GPHN: variants seen among roughly 807,000 people sequenced by gnomAD.
The protein encoded by GPHN is gephyrin.
In GPHN, 17 loss-of-function variants were observed where a neutral mutation model predicts 95.5. The observed-to-expected ratio is 0.18, with a 90% confidence interval of 0.12 to 0.27. The LOEUF is 0.27. Ranked by LOEUF, GPHN falls within the 10% of genes least tolerant of loss-of-function variation. The probability of loss-of-function intolerance (pLI) is 1.00; values close to 1 mark genes in which losing one functional copy is unlikely to be tolerated. For synonymous variants in GPHN, 320 were observed against 322.5 expected (o/e 0.99, Z 0.08); for missense variants, 660 against 978.1 (o/e 0.67, Z 4.34).
At chr14:67,098,511 T>TA (rs199798845) in intron 12 of GPHN, among the ~76,000 whole-genome samples, 90 of 150,198 alleles carry the variant, frequency 6.0e-4, no homozygotes, top group East Asian at 5.4e-3. Flanking sequence ...GTGCAGGAAG[T>TA]AAAAAAAAAG....
At chr14:67,108,752 T>TGTGG (rs766958253) in intron 13 of GPHN, among the ~76,000 whole-genome samples, 3 of 149,766 alleles carry the variant, frequency 2.0e-5, no homozygotes, top group African/African-American at 7.4e-5. Flanking sequence ...TGTGTGTGTG[T>TGTGG]GGTTTATTTT....
chr14:67,089,115 ATTTTTTTTTCTTTTTTTCTT>A (rs1245494650), intron 12 of GPHN, 40 bp downstream of exon 12: 7 of 363,256 alleles, frequency 1.9e-5, no homozygotes, highest in Non-Finnish European at 3.2e-5. Context: ...CAGGCACTGT[ATTTTTTTTTCTTTTTTTCTT>A]TTTTTTTTTT....
At chr14:67,371,553 T>C in the GPHN span, among the ~76,000 whole-genome samples, 1 of 152,234 alleles carries the variant, frequency 6.6e-6, no homozygotes. Context: ...ATAGACCTTA[T>C]AGCCTATACA....
the GPHN span, among the ~76,000 whole-genome samples, chr14:67,290,934 A>C: frequency 7.9e-5 from 12 of 152,226 alleles, no homozygotes; most frequent in African/African-American, 2.9e-4. Flanking sequence ...ATTCTAGATG[A>C]ATTAAAATTA....
chr14:66,954,068 T>C (rs565251915), intron 8 of GPHN, among the ~76,000 whole-genome samples: 4 of 151,770 alleles, frequency 2.6e-5, no homozygotes, highest in Admixed American at 1.3e-4. Flanking sequence ...AAAGCAGGAA[T>C]TATGAATCCT....
At chr14:67,122,770 G>T (rs1400141067) in intron 17 of GPHN, among the ~76,000 whole-genome samples, 2 of 152,150 alleles carry the variant, frequency 1.3e-5, no homozygotes, top group African/African-American at 4.8e-5. Flanking sequence ...CTAATTCTTT[G>T]AAATTTAAGT....
the GPHN span, among the ~76,000 whole-genome samples, chr14:67,216,908 A>G: frequency 1.3e-5 from 2 of 152,198 alleles, no homozygotes; most frequent in Non-Finnish European, 2.9e-5. Context: ...GAAATGTTCT[A>G]TAAATGTCTG....
At chr14:66,990,446 C>T (rs923856737) in intron 9 of GPHN, among the ~76,000 whole-genome samples, 2 of 152,096 alleles carry the variant, frequency 1.3e-5, no homozygotes, top group Non-Finnish European at 2.9e-5. Context: ...TCTCATGAGA[C>T]TTCATTTGGA....
At chr14:67,286,774 T>C in the GPHN span, among the ~76,000 whole-genome samples, 56 of 143,564 alleles carry the variant, frequency 3.9e-4, no homozygotes, top group African/African-American at 1.4e-3. Flanking sequence ...GGAGGATCGC[T>C]GGAACCTGAG....
the GPHN span, among the ~76,000 whole-genome samples, chr14:67,209,799 C>A: frequency 8.3e-6 from 1 of 119,850 alleles, no homozygotes; most frequent in Admixed American, 1.1e-4. Context: ...GCCTGGGTGA[C>A]AGAGCAAGAC....
chr14:66,688,194 T>A (rs2067527426), intron 2 of GPHN, among the ~76,000 whole-genome samples: 1 of 152,174 alleles, frequency 6.6e-6, no homozygotes, highest in South Asian at 2.1e-4. Context: ...ATTCACTAAG[T>A]CAAAGTAGAT....
chr14:67,075,396 A>T (rs1014179436), intron 11 of GPHN, among the ~76,000 whole-genome samples: 2 of 152,166 alleles, frequency 1.3e-5, no homozygotes, highest in Non-Finnish European at 1.5e-5. Flanking sequence ...TCTGATTGGG[A>T]TGTACAAGAT....
the GPHN span, among the ~76,000 whole-genome samples, chr14:67,519,530 C>T: frequency 2.8e-4 from 43 of 152,066 alleles, no homozygotes; most frequent in African/African-American, 7.0e-4. Context: ...AGGGTCCATC[C>T]GGATACTCTG....
chr14:67,195,783 G>A, the GPHN span, among the ~76,000 whole-genome samples: 29 of 148,112 alleles, frequency 2.0e-4, no homozygotes, highest in East Asian at 4.2e-3. Context: ...TTGCTCTGTC[G>A]CCCAGGCTGG....
At chr14:67,684,483 C>T in the GPHN span, 1 of 152,028 alleles carries the variant, frequency 6.6e-6, no homozygotes, top group Non-Finnish European at 1.5e-5. Flanking sequence ...GTGTTATATT[C>T]AAAATTCTCT....
At chr14:66,866,642 A>G (rs189245656) in intron 4 of GPHN, among the ~76,000 whole-genome samples, 111 of 152,320 alleles carry the variant, frequency 7.3e-4, no homozygotes, top group African/African-American at 2.5e-3. Flanking sequence ...TCTAAATGTT[A>G]GCAAATACAG....
intron 2 of GPHN, among the ~76,000 whole-genome samples, chr14:66,757,616 C>G (rs2058611081): frequency 6.6e-6 from 1 of 152,136 alleles, no homozygotes; most frequent in Non-Finnish European, 1.5e-5. Context: ...TCTCAAACTC[C>G]TGGCCTCAAG....
the GPHN span, among the ~76,000 whole-genome samples, chr14:67,398,225 T>C: frequency 6.6e-6 from 1 of 152,182 alleles, no homozygotes. Flanking sequence ...TCTAGTTTTT[T>C]TTGTTTTTGT....
chr14:67,327,555 A>G, the GPHN span, among the ~76,000 whole-genome samples: 1 of 151,746 alleles, frequency 6.6e-6, no homozygotes, highest in Non-Finnish European at 1.5e-5. Flanking sequence ...TTTGTTACGT[A>G]TGTATACATG....
Sources: allele counts gnomAD v4.1 joint callset (sites outside exome capture counted in the v4.1 genomes callset), GRCh38; gene constraint gnomAD v4.1.1; transcripts MANE v1.5; gene names NCBI Gene and HGNC (gene_info 2026-07-23, HGNC 2026-07-21).